The following APOL6 variants were observed in gnomAD, a reference collection of about 807,000 sequenced individuals.
APOL6 encodes apolipoprotein L6.
APOL6 carries 1 observed loss-of-function variant against 2.4 expected under a neutral mutation model. The ratio of observed to expected loss-of-function variants is 0.41; its 90% CI spans 0.15 to 1.94. The LOEUF (loss-of-function observed/expected upper bound fraction) is 1.94, where lower values mean the gene tolerates loss of function less well. Among genes scored for constraint, APOL6 ranks in the 30% most tolerant of loss-of-function variants. The probability of loss-of-function intolerance (pLI) is 0.30; values close to 1 mark genes in which losing one functional copy is unlikely to be tolerated. For synonymous variants in APOL6, 189 were observed against 169.3 expected, an observed-to-expected ratio of 1.12 and a Z score of -0.90; for missense variants, 438 against 429.2, an observed-to-expected ratio of 1.02 and a Z score of -0.18.
chr22:35,656,513 T>C, intron 2 of APOL6, 38 bp downstream of exon 2: 2 of 1,611,986 alleles, frequency 1.2e-6, no homozygotes, highest in Non-Finnish European at 1.7e-6. Context: ...AGAGGGCTGA[T>C]TCTGTTGAAA....
At position 35,659,121 on chromosome 22, in the gene APOL6, G is replaced by A. The variant is rs192850920; in HGVS notation, c.557G>A (p.Arg186His). 111 of 1,614,126 alleles carry A rather than the reference G, an allele frequency of 6.9e-5. No homozygotes were observed. The South Asian group carries it at 8.3e-4, about 12-fold the overall frequency. Reference sequence around the variant, plus strand: ...TTGAAGTATGCCAAGAAAAACGTCCGTGCATTTTGGAAACTCAGAGCCAAC... The same window carrying A: ...TTGAAGTATGCCAAGAAAAACGTCCATGCATTTTGGAAACTCAGAGCCAAC... Reference protein sequence around the residue: ...NTLKYAKKNVRAFWKLRANPR... With the variant: ...NTLKYAKKNVHAFWKLRANPR... The change falls in exon 3 of 3, where the codon CGT (arginine) becomes CAT (histidine). Residue 186 changes from arginine (R) to histidine (H), a missense_variant. Arg to His is a conservative substitution (Grantham distance 29). Coordinates refer to ENST00000409652, the MANE Select transcript of APOL6 (RefSeq NM_030641.4).
At chr22:35,652,249 G>A (rs1924717552) in intron 1 of APOL6, among the ~76,000 whole-genome samples, 2 of 116,290 alleles carry the variant, frequency 1.7e-5, no homozygotes, top group South Asian at 3.3e-4. Context: ...GGAGTTGTTT[G>A]TTTTTTTCTT....
rs1161806132 is a variant in APOL6 at position 35,658,840 on chromosome 22, C to T, written c.276C>T (p.Ser92=). 6.2e-7 allele frequency: 1 copy of T among 1,614,134 alleles called. No individual in the cohort carries two copies. The highest frequency in any genetic ancestry group is 1.1e-5 in the South Asian group (1 of 91,072). The change falls in exon 3 of 3, where the codon AGC becomes AGT. Residue 92 remains serine (S), a synonymous_variant. Coordinates refer to ENST00000409652, the MANE Select transcript of APOL6 (RefSeq NM_030641.4). ...CTGCTGTCATCTCTGGAGTGATGAG[C>T]CTCCTGGGTTTAGCCCTTGCCCCAG... ...TSTAVISGVM[S]LLGLALAPAT...
intron 1 of APOL6, among the ~76,000 whole-genome samples, chr22:35,652,665 A>G (rs545485053): frequency 8.6e-4 from 131 of 152,326 alleles, no homozygotes; most frequent in South Asian, 2.9e-3. Flanking sequence ...TCATTTCCCC[A>G]TTTCTTGTTT....
At chr22:35,649,768 C>T (rs925745244) in intron 1 of APOL6, among the ~76,000 whole-genome samples, 7 of 151,980 alleles carry the variant, frequency 4.6e-5, no homozygotes, top group African/African-American at 1.7e-4. Context: ...TATTGGCGGA[C>T]GCTGGTAAAA....
At chr22:35,658,194 A>G (rs1020450231) in intron 2 of APOL6, among the ~76,000 whole-genome samples, 1 of 151,322 alleles carries the variant, frequency 6.6e-6, no homozygotes, top group Non-Finnish European at 1.5e-5. Context: ...CCTGCCCACC[A>G]CCTTGTCTTC....
At position 35,660,755 on chromosome 22, in the gene APOL6, C is replaced by T. The variant is rs1925000656; in HGVS notation, c.*1159C>T. 6.6e-6 allele frequency: 1 copy of T among 152,270 alleles called. No individual in the cohort carries two copies. The highest frequency in any genetic ancestry group is 1.5e-5 in the Non-Finnish European group (1 of 68,058). The allele number at this position is 152,270 out of a possible 1,614,324, so 9.4% of individuals were successfully genotyped here. ...CACATGGCAGAAGGGGCAAACAAGC[C>T]CCCCTGGGCCTCTTTTATAAAGGCA... On this transcript the variant is annotated 3_prime_UTR_variant, in exon 3 of 3. Coordinates refer to ENST00000409652, the MANE Select transcript of APOL6 (RefSeq NM_030641.4).
At position 35,664,826 on chromosome 22, in the gene APOL6, T is replaced by C. The variant is rs1022769653; in HGVS notation, c.*5230T>C. ...CTTTTTTAAAAAAATGGTGAACAAG[T>C]TTTGTCTAATTCAAAGCTTATTAAA... On this transcript the variant is annotated 3_prime_UTR_variant, in exon 3 of 3. Transcript: ENST00000409652. 1 of 151,836 alleles carries C rather than the reference T, an allele frequency of 6.6e-6. No individual in the cohort carries two copies. Among genetic ancestry groups the C allele is most frequent in the African/African-American group, 2.4e-5 (1 of 41,380 alleles). The allele number at this position is 151,836 out of a possible 1,614,324, so 9.4% of individuals were successfully genotyped here.
chr22:35,657,454 C>CGT (rs1280539481), intron 2 of APOL6, among the ~76,000 whole-genome samples: 1 of 151,980 alleles, frequency 6.6e-6, no homozygotes, highest in Non-Finnish European at 1.5e-5. Flanking sequence ...GAATTGTGTG[C>CGT]GTGTGTGTGT....
At chr22:35,658,066 A>G (rs1924894969) in intron 2 of APOL6, among the ~76,000 whole-genome samples, 1 of 152,160 alleles carries the variant, frequency 6.6e-6, no homozygotes, top group Admixed American at 6.5e-5. Flanking sequence ...AACTCCTGAT[A>G]GAAGCAAAGA....
In APOL6 at chr22:35,666,279, A is replaced by T. The variant is rs916004051; in HGVS notation, c.*6683A>T. On this transcript the variant is annotated 3_prime_UTR_variant, in exon 3 of 3. Transcript: ENST00000409652. ...GGTCCTCTTTTTTAAATATATTTTT[A>T]TTATTATTTTTGAGATGGGGACTCA... 2 of 151,652 alleles carry T rather than the reference A, an allele frequency of 1.3e-5. No individual in the cohort carries two copies. The highest frequency in any genetic ancestry group is 4.8e-5 in the African/African-American group (2 of 41,250). The allele number at this position is 151,652 out of a possible 1,614,324, so 9.4% of individuals were successfully genotyped here. A position where few individuals can be genotyped will look rare whatever the true frequency, so the allele number is the denominator to read the frequency against.
intron 2 of APOL6, among the ~76,000 whole-genome samples, chr22:35,657,272 C>A (rs574996843): frequency 6.6e-6 from 1 of 152,310 alleles, no homozygotes; most frequent in African/African-American, 2.4e-5. Flanking sequence ...GTCAGGGCCA[C>A]CCCGCTTGCC....
rs1481146186 is a variant in APOL6 at position 35,662,795 on chromosome 22, A to T, written c.*3199A>T. On this transcript the variant is annotated 3_prime_UTR_variant, in exon 3 of 3. Coordinates refer to ENST00000409652, the MANE Select transcript of APOL6 (RefSeq NM_030641.4). ...TGGAGATGCCCCTGACCCTTGACAA[A>T]TCTATCGGTGCTTGGTACCAGCATG... The T allele has an allele frequency of 6.6e-6, 1 of 152,176 alleles. No homozygotes were observed. Among genetic ancestry groups the T allele is most frequent in the Non-Finnish European group, 1.5e-5 (1 of 68,038 alleles). 9.4% of individuals were successfully genotyped at this position (152,176 alleles called of 1,614,324 possible).
Position 35,659,775 on chromosome 22 carries a change from G to C in APOL6, c.*179G>C. The stretch of plus-strand genomic sequence containing the variant: ...TCCCTGTTTGTTTGTTTGTTTGTTT[G>C]TTTGTTTGTTTTGAGACAGGGTCTC... On this transcript the variant is annotated 3_prime_UTR_variant, in exon 3 of 3. Transcript: ENST00000409652. 2 of 1,109,724 alleles carry C rather than the reference G, an allele frequency of 1.8e-6. No homozygotes were observed. Among genetic ancestry groups the C allele is most frequent in the Non-Finnish European group, 2.5e-6 (2 of 801,398 alleles). 68.7% of individuals were successfully genotyped at this position (1,109,724 alleles called of 1,614,324 possible).
At chr22:35,648,935 C>T (rs534823913) in intron 1 of APOL6, among the ~76,000 whole-genome samples, 2 of 152,286 alleles carry the variant, frequency 1.3e-5, no homozygotes, top group African/African-American at 4.8e-5. Context: ...GCAGAGGGGA[C>T]CTGGCCCTTA....
chr22:35,651,812 C>G (rs975977984), intron 1 of APOL6, among the ~76,000 whole-genome samples: 1 of 152,110 alleles, frequency 6.6e-6, no homozygotes, highest in Non-Finnish European at 1.5e-5. Flanking sequence ...GGACATTTGG[C>G]TTGGTTCCAA....
chr22:35,652,019 G>A (rs1037940418), intron 1 of APOL6, among the ~76,000 whole-genome samples: 21 of 152,322 alleles, frequency 1.4e-4, no homozygotes, highest in Admixed American at 5.2e-4. Flanking sequence ...AACCAACAGT[G>A]TAAAAGTGTT....
rs139968791 is a variant in APOL6, at chr22:35,667,677, C to G, written c.*8081C>G. 5 of 152,330 alleles carry G rather than the reference C, an allele frequency of 3.3e-5. No homozygotes were observed. The highest frequency in any genetic ancestry group is 9.6e-5 in the African/African-American group (4 of 41,570). 9.4% of individuals were successfully genotyped at this position (152,330 alleles called of 1,614,324 possible). A position where few individuals can be genotyped will look rare whatever the true frequency, so the allele number is the denominator to read the frequency against. On this transcript the variant is annotated 3_prime_UTR_variant, in exon 3 of 3. Coordinates refer to ENST00000409652, the MANE Select transcript of APOL6 (RefSeq NM_030641.4). ...GCTGTAGAAGCTACATAGTTGTAGA[C>G]CAGGGTCAGCAACCCAAGAAGCCTG...
Position 35,656,484 on chromosome 22 carries a change from A to C in APOL6, c.50+9A>C. Reference sequence around the variant, plus strand: ...GGTGTTGGTTTGCAAAGGTAATCCAAAGGGTGTAGTCCCCAGGGAGAGGGC... The same window carrying C: ...GGTGTTGGTTTGCAAAGGTAATCCACAGGGTGTAGTCCCCAGGGAGAGGGC... On this transcript the variant is annotated intron_variant, in intron 2 of 2. Transcript: ENST00000409652. The C allele has an allele frequency of 6.2e-7, 1 of 1,614,042 alleles. No individual in the cohort carries two copies. The highest frequency in any genetic ancestry group is 8.5e-7 in the Non-Finnish European group (1 of 1,179,954).
Sources: allele counts gnomAD v4.1 joint callset (sites outside exome capture counted in the v4.1 genomes callset), GRCh38; gene constraint gnomAD v4.1.1; transcripts MANE v1.5; gene names NCBI Gene and HGNC (gene_info 2026-07-23, HGNC 2026-07-21).